The following RECK variants were observed in gnomAD, a reference collection of about 807,000 sequenced individuals.
The protein encoded by RECK is reversion inducing cysteine rich protein with kazal motifs.
A neutral mutation model predicts 115.1 loss-of-function variants in RECK; 69 were observed. The ratio of observed to expected loss-of-function variants is 0.60; its 90% CI spans 0.49 to 0.73. RECK has a LOEUF of 0.73. Among genes scored for constraint, RECK ranks in the 30% least tolerant of loss-of-function variants. The pLI, the probability that RECK is intolerant of heterozygous loss-of-function variation, is 0.00. For synonymous variants in RECK, 414 were observed against 419.7 expected (o/e 0.99, Z 0.17); for missense variants, 1,047 against 1,203.7 (o/e 0.87, Z 1.93).
chr9:36,073,221 G>GACACACAC lies in RECK; in HGVS notation c.406-7382_406-7375dup, dbSNP rs1320843934. Among the ~76,000 whole-genome samples, 111 of 134,222 alleles carry GACACACAC rather than the reference G, an allele frequency of 8.3e-4. 1 individual carries two copies. The highest frequency in any genetic ancestry group is 2.8e-3 in the East Asian group (12 of 4,310). The allele number at this position is 134,222 out of a possible 152,430, so 88.1% of individuals were successfully genotyped here. A position where few individuals can be genotyped will look rare whatever the true frequency, so the allele number is the denominator to read the frequency against. The stretch of plus-strand genomic sequence containing the variant: ...TTCCACCCCTAAACAGCAACACACA[G>GACACACAC]ACACACACAGACACACACAGACACA... On this transcript the variant is annotated intron_variant, in intron 6 of 20. Transcript: ENST00000377966.
intron 16 of RECK, among the ~76,000 whole-genome samples, chr9:36,116,355 G>T (rs939679410): frequency 1.3e-5 from 2 of 152,070 alleles, no homozygotes; most frequent in Non-Finnish European, 2.9e-5. Context: ...CTCGACTCCC[G>T]ACCTCAGGTG....
At chr9:36,101,456 A>G (rs1299351589) in intron 11 of RECK, among the ~76,000 whole-genome samples, 1 of 152,180 alleles carries the variant, frequency 6.6e-6, no homozygotes, top group Non-Finnish European at 1.5e-5. Context: ...GTGCTGCTGG[A>G]TACCTTAATA....
Position 36,109,954 on chromosome 9 carries a change from C to T in RECK, c.1766-3C>T. ...ATCAACATTTTCTTTCTGTTTCTGT[C>T]AGGTCATGGAACATCCTTTAGTATT... On this transcript the variant is annotated splice_region_variant and splice_polypyrimidine_tract_variant and intron_variant, in intron 14 of 20. Coordinates refer to ENST00000377966, the MANE Select transcript of RECK (RefSeq NM_021111.3). 6.2e-7 allele frequency: 1 copy of T among 1,607,178 alleles called. No individual in the cohort carries two copies. The highest frequency in any genetic ancestry group is 8.5e-7 in the Non-Finnish European group (1 of 1,174,102).
rs564283737 is a variant in RECK, at chr9:36,044,674, A to G, written c.100+7576A>G. On this transcript the variant is annotated intron_variant, in intron 1 of 20. Transcript: ENST00000377966. ...CACTAGAATAGTAGGGTCTTAAATA[A>G]CAAAAACATCAACATGGCCTAGAGT... is the stretch of plus-strand genomic sequence containing the variant. Among the ~76,000 whole-genome samples the G allele has an allele frequency of 6.6e-5, 10 of 152,304 alleles. No homozygotes were observed. The East Asian group carries it at 1.9e-3, about 29-fold the overall frequency.
chr9:36,043,700 G>A (rs1820972602), intron 1 of RECK, among the ~76,000 whole-genome samples: 2 of 152,190 alleles, frequency 1.3e-5, no homozygotes, highest in Admixed American at 6.5e-5. Context: ...TTTGTATGAC[G>A]TGAGAGATGA....
intron 12 of RECK, 137 bp downstream of exon 12, chr9:36,102,367 C>T (rs1823596309): frequency 1.3e-6 from 1 of 746,950 alleles, no homozygotes; most frequent in South Asian, 2.0e-5. Context: ...ATCACAGACT[C>T]TTGTTTGCTT....
Position 36,110,064 on chromosome 9 carries a change from C to T in RECK, c.1873C>T (p.Arg625Cys). The T allele has an allele frequency of 4.4e-6, 7 of 1,608,376 alleles. No individual in the cohort carries two copies. Among genetic ancestry groups the T allele is most frequent in the South Asian group, 2.2e-5 (2 of 90,958 alleles). Reference sequence around the variant, plus strand: ...CAGTGAGCACAGTTCAGAAGATGACCGTCGTACCTTCACAGGTGACTGTGA... The same window carrying T: ...CAGTGAGCACAGTTCAGAAGATGACTGTCGTACCTTCACAGGTGACTGTGA... ...CLSEHSSEDDRRTFTGLPCNC... is the reference protein window; with the variant it reads ...CLSEHSSEDDCRTFTGLPCNC... Residue 625 changes from arginine to cysteine, a missense_variant, in exon 15 of 21, where the codon CGT becomes TGT. Physicochemically the swap from Arg to Cys is radical, Grantham distance 180. Transcript: ENST00000377966.
rs1820681896 is a variant in RECK, at chr9:36,036,943, G to A, written c.-56G>A. ...AGCGGCGGCGGTAGCGGCGGCAGCG[G>A]CTGCGGCCAAGCTGGGTCCGAGCAT... On this transcript the variant is annotated 5_prime_UTR_variant, in exon 1 of 21. Coordinates refer to ENST00000377966, the MANE Select transcript of RECK (RefSeq NM_021111.3). The A allele has an allele frequency of 8.4e-6, 10 of 1,186,538 alleles. No individual in the cohort carries two copies. Among genetic ancestry groups the A allele is most frequent in the Admixed American group, 4.2e-5 (1 of 23,628 alleles). The allele number at this position is 1,186,538 out of a possible 1,614,324, so 73.5% of individuals were successfully genotyped here.
chr9:36,084,528 C>G (rs1195919414), intron 8 of RECK, among the ~76,000 whole-genome samples: 4 of 152,024 alleles, frequency 2.6e-5, no homozygotes, highest in African/African-American at 4.8e-5. Context: ...AACCCTGTCT[C>G]TACTAAAAAT....
intron 2 of RECK, among the ~76,000 whole-genome samples, chr9:36,057,275 T>C (rs769625536): frequency 3.3e-5 from 5 of 152,334 alleles, no homozygotes; most frequent in Non-Finnish European, 4.4e-5. Flanking sequence ...CTATTTTTCA[T>C]TGTTACCAGT....
At chr9:36,071,790 C>A (rs1676120656) in intron 6 of RECK, among the ~76,000 whole-genome samples, 1 of 152,184 alleles carries the variant, frequency 6.6e-6, no homozygotes, top group Non-Finnish European at 1.5e-5. Flanking sequence ...AAATATTGTT[C>A]TGCCATGGGG....
At chr9:36,109,894 GT>G in intron 14 of RECK, 62 bp from the exon 15 acceptor site, 9 of 1,369,840 alleles carry the variant, frequency 6.6e-6, no homozygotes, top group Non-Finnish European at 9.2e-6. Context: ...TATTAAAATT[GT>G]AATACGTGCT....
At chr9:36,115,478 CAA>C (rs1440638284) in intron 16 of RECK, among the ~76,000 whole-genome samples, 2 of 152,100 alleles carry the variant, frequency 1.3e-5, no homozygotes, top group African/African-American at 4.8e-5. Context: ...CCCAGATTCT[CAA>C]CCTTTTTTTT....
At position 36,056,528 on chromosome 9, in the gene RECK, T is replaced by TTTTCCTC. The variant is rs543174121; in HGVS notation, c.160-2297_160-2291dup. Among the ~76,000 whole-genome samples the TTTTCCTC allele has an allele frequency of 2.4e-3, 367 of 152,312 alleles. 1 individual carries two copies. Among genetic ancestry groups the TTTTCCTC allele is most frequent in the African/African-American group, 8.2e-3 (343 of 41,580 alleles). On this transcript the variant is annotated intron_variant, in intron 2 of 20. Transcript: ENST00000377966. The stretch of plus-strand genomic sequence containing the variant: ...CCCTGGTGTCGTTTAACATTTTCCT[T>TTTTCCTC]TTTCCTCTGTGTTTCTTAGTAATTG...
intron 16 of RECK, among the ~76,000 whole-genome samples, chr9:36,113,194 A>C (rs944978637): frequency 6.6e-6 from 1 of 152,208 alleles, no homozygotes; most frequent in African/African-American, 2.4e-5. Flanking sequence ...GCTGACCCTT[A>C]GGTTACAGCC....
chr9:36,092,189 C>T (rs939332971), intron 10 of RECK, among the ~76,000 whole-genome samples: 1 of 152,090 alleles, frequency 6.6e-6, no homozygotes, highest in Non-Finnish European at 1.5e-5. Context: ...AGATTGAGTA[C>T]ATCTGAAATG....
Position 36,094,674 on chromosome 9 carries a change from C to A in RECK, c.1085+3331C>A, listed in dbSNP as rs6476524. 0.025 allele frequency among the ~76,000 whole-genome samples: 3,824 copies of A among 152,178 alleles called. 172 individuals carry two copies. Among genetic ancestry groups the A allele is most frequent in the African/African-American group, 0.086 (3,560 of 41,510 alleles). On this transcript the variant is annotated intron_variant, in intron 10 of 20. Transcript: ENST00000377966. This position sits in a 1 kb window ranked among gnomAD's most constrained non-coding sequence, Gnocchi z 4.1. ...GCAGAGGTTGTTAGAAAGACAAAGA[C>A]TATTATTGGAGATAAAGAGTATCAC...
rs193282070 is a variant in RECK at position 36,083,734 on chromosome 9, A to C, written c.637+172A>C. Among the ~76,000 whole-genome samples the C allele has an allele frequency of 6.6e-5, 10 of 152,318 alleles. 1 individual carries two copies. In the East Asian group the frequency reaches 1.9e-3, roughly 29 times the overall value. On this transcript the variant is annotated intron_variant, in intron 8 of 20. Coordinates refer to ENST00000377966, the MANE Select transcript of RECK (RefSeq NM_021111.3). ...AATATTGTCACAGCCAAAAGGGGCC[A>C]AGAAAGATGAAACTGTAGAGGGTAT...
At chr9:36,055,106 T>C (rs1190473184) in intron 2 of RECK, among the ~76,000 whole-genome samples, 2 of 152,182 alleles carry the variant, frequency 1.3e-5, no homozygotes, top group South Asian at 2.1e-4. Flanking sequence ...ACAAGTTTGG[T>C]TATTAAATTT....
Sources: gnomAD v4.1 joint callset for allele counts (sites outside exome capture counted in the v4.1 genomes callset) on GRCh38, gnomAD v4.1.1 for gene constraint, Gnocchi (gnomAD v3.1) non-coding constraint, MANE v1.5 for transcripts, NCBI Gene and HGNC (gene_info 2026-07-23, HGNC 2026-07-21) for gene names.